The following SPAG9 variants were observed in gnomAD, a reference collection of about 807,000 sequenced individuals.
SPAG9 encodes the protein sperm associated antigen 9.
Under a neutral mutation model 166.5 loss-of-function variants are expected in SPAG9, and 35 were observed. The ratio of observed to expected loss-of-function variants is 0.21; its 90% CI spans 0.16 to 0.28. The LOEUF (loss-of-function observed/expected upper bound fraction) is 0.28, where lower values mean the gene tolerates loss of function less well. Among genes scored for constraint, SPAG9 ranks in the 10% least tolerant of loss-of-function variants. The probability of loss-of-function intolerance (pLI) is 1.00; values close to 1 mark genes in which losing one functional copy is unlikely to be tolerated. For missense variants in SPAG9, 1,235 were observed against 1,603.3 expected (o/e 0.77, Z 3.92); for synonymous variants, 534 against 565.5 (o/e 0.94, Z 0.79).
intron 1 of SPAG9, among the ~76,000 whole-genome samples, chr17:51,089,663 TAC>T (rs71149342): frequency 0.11 from 8,356 of 77,414 alleles, 692 homozygotes; most frequent in Non-Finnish European, 0.16. Flanking sequence ...TATATATATA[TAC>T]ACATACACAC....
intron 6 of SPAG9, 44 bp downstream of exon 6, chr17:51,031,637 C>T (rs1179209522): frequency 4.9e-6 from 7 of 1,414,876 alleles, no homozygotes; most frequent in Non-Finnish European, 5.9e-6. Flanking sequence ...TAGTTAATCA[C>T]TTTAGTATAC....
intron 1 of SPAG9, among the ~76,000 whole-genome samples, chr17:51,117,482 C>T (rs1224045245): frequency 2.0e-5 from 3 of 151,920 alleles, no homozygotes; most frequent in African/African-American, 4.8e-5. Flanking sequence ...GAGGCTGAGG[C>T]GGGCAGATCA....
intron 1 of SPAG9, among the ~76,000 whole-genome samples, chr17:51,116,016 G>A (rs1246853446): frequency 6.6e-6 from 1 of 151,822 alleles, no homozygotes; most frequent in Non-Finnish European, 1.5e-5. Flanking sequence ...CTTTAAACTC[G>A]TATGTCTACT....
intron 2 of SPAG9, among the ~76,000 whole-genome samples, chr17:51,077,083 TAGC>T (rs773429313): frequency 8.6e-6 from 1 of 115,804 alleles, no homozygotes; most frequent in Non-Finnish European, 1.8e-5. Flanking sequence ...TCTAGCTATC[TAGC>T]TAGCTATCTA....
In SPAG9 at chr17:51,109,014, C is replaced by T. The variant is rs529918269; in HGVS notation, c.303+11340G>A. ...AGTAGCTGGGATTACAGACGTGCAC[C>T]ACCAAGCCCAGCTACTTTTATATTT... On this transcript the variant is annotated intron_variant, in intron 1 of 29. Transcript: ENST00000262013. 7.3e-5 allele frequency among the ~76,000 whole-genome samples: 11 copies of T among 151,678 alleles called. No individual in the cohort carries two copies. The East Asian group carries it at 2.1e-3, about 30-fold the overall frequency.
chr17:50,992,679 C>CA (rs1173770008), intron 19 of SPAG9, among the ~76,000 whole-genome samples: 3 of 151,662 alleles, frequency 2.0e-5, no homozygotes. Flanking sequence ...GGCCCTGTCT[C>CA]AAAAAAACAA....
intron 2 of SPAG9, among the ~76,000 whole-genome samples, chr17:51,065,791 T>C (rs1278090215): frequency 6.6e-6 from 1 of 152,192 alleles, no homozygotes; most frequent in Non-Finnish European, 1.5e-5. Context: ...CTCCTAGGCC[T>C]GGTCCAGTAA....
chr17:50,980,053 T>C (rs1296310523), intron 25 of SPAG9, 136 bp from the exon 26 acceptor site: 2 of 744,750 alleles, frequency 2.7e-6, no homozygotes, highest in African/African-American at 1.8e-5. Flanking sequence ...ATTACTCTTA[T>C]ATACACAATT....
intron 1 of SPAG9, among the ~76,000 whole-genome samples, chr17:51,081,414 A>G (rs995804042): frequency 2.0e-5 from 3 of 150,722 alleles, no homozygotes; most frequent in African/African-American, 7.3e-5. Flanking sequence ...TCACGCCACT[A>G]AACTCCAGCC....
intron 27 of SPAG9, 148 bp downstream of exon 27, chr17:50,976,960 A>C (rs1051563396): frequency 1.9e-5 from 11 of 576,656 alleles, no homozygotes; most frequent in Non-Finnish European, 3.1e-5. Context: ...ATTTTCCTAG[A>C]ATTTATAAGT....
intron 19 of SPAG9, 32 bp from the exon 20 acceptor site, chr17:50,990,700 T>A: frequency 6.5e-7 from 1 of 1,536,638 alleles, no homozygotes; most frequent in Non-Finnish European, 9.0e-7. Context: ...AACAGCAAAG[T>A]AAACTTCTAT....
chr17:51,043,340 A>G (rs2144413693), intron 4 of SPAG9, among the ~76,000 whole-genome samples: 1 of 152,320 alleles, frequency 6.6e-6, no homozygotes, highest in South Asian at 2.1e-4. Flanking sequence ...TAATAAGTCC[A>G]TGAAAAAAGA....
intron 1 of SPAG9, 120 bp from the exon 2 acceptor site, chr17:51,079,824 T>G (rs1319043865): frequency 1.6e-6 from 1 of 616,618 alleles, no homozygotes; most frequent in Admixed American, 3.2e-5. Context: ...CTCAGAATTA[T>G]GACCTTGGGT....
At chr17:51,089,771 A>C (rs1227181793) in intron 1 of SPAG9, among the ~76,000 whole-genome samples, 2 of 148,976 alleles carry the variant, frequency 1.3e-5, no homozygotes, top group African/African-American at 4.9e-5. Context: ...TGCCTACCAG[A>C]TTCAAGCAAT....
chr17:51,077,324 G>A lies in SPAG9; in HGVS notation c.424+2260C>T, dbSNP rs572825862. On this transcript the variant is annotated intron_variant, in intron 2 of 29. Transcript: ENST00000262013. ...TTTCAGTAGAGACGGGGTTCTCCATGTTGGTCAGGCTGGTCTCAAACTCCT... is the reference window on the plus strand; with the variant it reads ...TTTCAGTAGAGACGGGGTTCTCCATATTGGTCAGGCTGGTCTCAAACTCCT... Among the ~76,000 whole-genome samples, 12 of 152,106 alleles carry A rather than the reference G, an allele frequency of 7.9e-5. 1 individual carries two copies. The South Asian group carries it at 2.5e-3, about 32-fold the overall frequency.
intron 12 of SPAG9, among the ~76,000 whole-genome samples, chr17:51,002,297 G>GT (rs2143970011): frequency 6.6e-6 from 1 of 152,218 alleles, no homozygotes; most frequent in South Asian, 2.1e-4. Flanking sequence ...GACTACAGGT[G>GT]TAAGCCACTG....
intron 1 of SPAG9, among the ~76,000 whole-genome samples, chr17:51,112,849 C>T (rs2049158837): frequency 6.6e-6 from 1 of 151,242 alleles, no homozygotes; most frequent in Non-Finnish European, 1.5e-5. Context: ...GTGGCGCATG[C>T]CTGTAGTCAC....
At chr17:51,092,915 G>A (rs1323346636) in intron 1 of SPAG9, among the ~76,000 whole-genome samples, 3 of 151,854 alleles carry the variant, frequency 2.0e-5, no homozygotes, top group Non-Finnish European at 4.4e-5. Flanking sequence ...GCCTGCCTGG[G>A]CTACAGAGCA....
chr17:50,971,949 T>C (rs908151780), intron 28 of SPAG9, among the ~76,000 whole-genome samples: 12 of 151,898 alleles, frequency 7.9e-5, no homozygotes, highest in Admixed American at 3.3e-4. Flanking sequence ...TGTATTTTAG[T>C]AGAGATGGGG....
Sources: gnomAD v4.1 joint callset for allele counts (sites outside exome capture counted in the v4.1 genomes callset) on GRCh38, gnomAD v4.1.1 for gene constraint, MANE v1.5 for transcripts, NCBI Gene and HGNC (gene_info 2026-07-23, HGNC 2026-07-21) for gene names.